RAVER2: variants seen among roughly 807,000 people sequenced by gnomAD.
RAVER2 encodes the protein ribonucleoprotein, PTB binding 2.
Under a neutral mutation model 78.1 loss-of-function variants are expected in RAVER2, and 46 were observed. That is an observed-to-expected ratio of 0.59 (90% CI 0.46 to 0.75). The LOEUF is 0.75. RAVER2 is among the 30% of genes least tolerant of loss of function. The probability of loss-of-function intolerance (pLI) is 0.00; values close to 1 mark genes in which losing one functional copy is unlikely to be tolerated. For missense variants in RAVER2, 793 were observed against 837.5 expected (o/e 0.95, Z 0.66); for synonymous variants, 311 against 313.3 (o/e 0.99, Z 0.08).
At chr1:64,816,323 A>T (rs984476503) in intron 11 of RAVER2, 2 of 152,200 alleles carry the variant, frequency 1.3e-5, no homozygotes, top group African/African-American at 4.8e-5. Context: ...GCCCAGAGAT[A>T]TGGTGGGGAA....
chr1:64,781,789 G>A (rs1652637245), intron 4 of RAVER2, among the ~76,000 whole-genome samples: 2 of 152,096 alleles, frequency 1.3e-5, no homozygotes, highest in Non-Finnish European at 1.5e-5. Context: ...ATTGTGTTTA[G>A]TAAAGTGTAT....
chr1:64,820,018 A>G (rs753337414), intron 11 of RAVER2, among the ~76,000 whole-genome samples: 2 of 152,234 alleles, frequency 1.3e-5, no homozygotes, highest in Non-Finnish European at 2.9e-5. Flanking sequence ...TATAGGGTTT[A>G]TAATGTATAT....
intron 6 of RAVER2, among the ~76,000 whole-genome samples, chr1:64,803,264 A>G (rs1312565663): frequency 6.6e-6 from 1 of 152,214 alleles, no homozygotes; most frequent in Non-Finnish European, 1.5e-5. Flanking sequence ...GTTATGTACC[A>G]TGATAAATAT....
intron 5 of RAVER2, among the ~76,000 whole-genome samples, chr1:64,795,404 A>G (rs1196270772): frequency 1.3e-5 from 2 of 152,166 alleles, no homozygotes; most frequent in Non-Finnish European, 2.9e-5. Context: ...TAATTTAGGC[A>G]GAATTCACAA....
chr1:64,818,402 G>C (rs577876658), intron 11 of RAVER2, among the ~76,000 whole-genome samples: 1 of 152,176 alleles, frequency 6.6e-6, no homozygotes, highest in African/African-American at 2.4e-5. Context: ...CGGGCGTGGT[G>C]GTGGGCGCCT....
chr1:64,759,359 A>G (rs10437079), intron 1 of RAVER2, among the ~76,000 whole-genome samples: 2,365 of 151,154 alleles, frequency 0.016, 64 homozygotes, highest in African/African-American at 0.053. Context: ...AGCTGGAACT[A>G]CAAGGCGCCC....
intron 1 of RAVER2, among the ~76,000 whole-genome samples, chr1:64,748,961 T>A (rs776701849): frequency 6.6e-6 from 1 of 152,048 alleles, no homozygotes; most frequent in Non-Finnish European, 1.5e-5. Flanking sequence ...CCCTCTAAAG[T>A]AGCTGGGACT....
intron 2 of RAVER2, among the ~76,000 whole-genome samples, chr1:64,771,183 A>G (rs1652306621): frequency 6.6e-6 from 1 of 151,952 alleles, no homozygotes; most frequent in South Asian, 2.1e-4. Flanking sequence ...CATCATTAAT[A>G]CATTTAGCGG....
At chr1:64,755,205 AT>A (rs1651817762) in intron 1 of RAVER2, among the ~76,000 whole-genome samples, 2 of 152,206 alleles carry the variant, frequency 1.3e-5, no homozygotes, top group African/African-American at 4.8e-5. Flanking sequence ...TGTCTTCACA[AT>A]AAGTATCCTG....
At chr1:64,822,882 C>T (rs946898247) in intron 11 of RAVER2, among the ~76,000 whole-genome samples, 2 of 152,164 alleles carry the variant, frequency 1.3e-5, no homozygotes, top group African/African-American at 4.8e-5. Context: ...ATCCATGCTA[C>T]AACATTGGTG....
chr1:64,807,076 C>A, intron 8 of RAVER2, 130 bp from the exon 9 acceptor site: 2 of 1,076,462 alleles, frequency 1.9e-6, no homozygotes, highest in Non-Finnish European at 2.6e-6. Context: ...CTAACCTTAC[C>A]TTTTGCTGTT....
chr1:64,807,456 C>G (rs1486999034), exon 9 of RAVER2: 2 of 1,613,852 alleles, frequency 1.2e-6, no homozygotes, highest in Middle Eastern at 1.6e-4. Flanking sequence ...AGCCAAAAGG[C>G]ACAGAGATAA....
chr1:64,762,285 G>A (rs1028261313), intron 1 of RAVER2, among the ~76,000 whole-genome samples: 1 of 151,932 alleles, frequency 6.6e-6, no homozygotes, highest in Non-Finnish European at 1.5e-5. Flanking sequence ...TAAATAAATG[G>A]AAGAACATTC....
chr1:64,789,350 T>C (rs376462904), intron 4 of RAVER2, 38 bp from the exon 5 acceptor site: 37 of 1,531,398 alleles, frequency 2.4e-5, no homozygotes, highest in African/African-American at 2.8e-5. Flanking sequence ...TTTGTACTTA[T>C]GCTGTTCTAA....
intron 9 of RAVER2, among the ~76,000 whole-genome samples, chr1:64,808,614 G>A (rs1020475813): frequency 1.2e-4 from 18 of 151,618 alleles, no homozygotes; most frequent in Non-Finnish European, 2.4e-4. Flanking sequence ...TGCACACACC[G>A]CCATACCTGG....
intron 5 of RAVER2, among the ~76,000 whole-genome samples, chr1:64,791,528 G>A (rs1652941032): frequency 6.6e-6 from 1 of 152,148 alleles, no homozygotes; most frequent in Admixed American, 6.5e-5. Flanking sequence ...TCAGGAACCA[G>A]GGACAAAGGC....
rs556330258 is a variant in RAVER2, at chr1:64,828,628, C to T, written c.1930-2211C>T. 2.0e-5 allele frequency among the ~76,000 whole-genome samples: 3 copies of T among 151,720 alleles called. No individual in the cohort carries two copies. The East Asian group carries it at 5.8e-4, about 29-fold the overall frequency. ...AAGAATTACCTTTCTCCCAGTATCA[C>T]ATGGGCTACAGTGAAACCCGTTTTC... On this transcript the variant is annotated intron_variant, in intron 11 of 11. Transcript: ENST00000294428.
intron 1 of RAVER2, among the ~76,000 whole-genome samples, chr1:64,767,095 C>T (rs1652194214): frequency 6.6e-6 from 1 of 152,064 alleles, no homozygotes; most frequent in African/African-American, 2.4e-5. Flanking sequence ...CTTTATCTTT[C>T]ATATCATAGA....
chr1:64,811,124 C>T (rs866484506), intron 9 of RAVER2, among the ~76,000 whole-genome samples: 15 of 152,094 alleles, frequency 9.9e-5, no homozygotes, highest in Admixed American at 2.0e-4. Flanking sequence ...GCACCATTCA[C>T]AGTCAAAAGA....
Sources: gnomAD v4.1 joint callset for allele counts (sites outside exome capture counted in the v4.1 genomes callset) on GRCh38, gnomAD v4.1.1 for gene constraint, MANE v1.5 for transcripts, NCBI Gene and HGNC (gene_info 2026-07-23, HGNC 2026-07-21) for gene names.